LHFPL3: variants seen among roughly 807,000 people sequenced by gnomAD.
LHFPL3 encodes LHFPL tetraspan subfamily member 3.
A neutral mutation model predicts 19.3 loss-of-function variants in LHFPL3; 5 were observed. The ratio of observed to expected loss-of-function variants is 0.26; its 90% confidence interval spans 0.14 to 0.54. The LOEUF is 0.54. Among genes scored for constraint, LHFPL3 ranks in the 20% least tolerant of loss-of-function variants. The pLI, the probability that LHFPL3 is intolerant of heterozygous loss-of-function variation, is 0.94. For missense variants in LHFPL3, 249 were observed against 307.4 expected (o/e 0.81, Z 1.42); for synonymous variants, 133 against 126.2 (o/e 1.05, Z -0.36).
At chr7:104,799,853 A>ACCCC (rs1290629194) in intron 2 of LHFPL3, 2 of 153,132 alleles carry the variant, frequency 1.3e-5, no homozygotes, top group Non-Finnish European at 2.9e-5. Flanking sequence ...CCTTCCCATG[A>ACCCC]CTTCACCCGC....
intron 2 of LHFPL3, among the ~76,000 whole-genome samples, chr7:104,781,452 C>A (rs1482149167): frequency 6.6e-6 from 1 of 152,104 alleles, no homozygotes; most frequent in Non-Finnish European, 1.5e-5. Flanking sequence ...CACACTGGGA[C>A]ATCCCCTCTG....
chr7:104,605,254 A>G (rs1212836433), intron 1 of LHFPL3, among the ~76,000 whole-genome samples: 1 of 152,120 alleles, frequency 6.6e-6, no homozygotes, highest in Non-Finnish European at 1.5e-5. Context: ...CTATCCTTTA[A>G]CCTCTCTCCC....
intron 1 of LHFPL3, among the ~76,000 whole-genome samples, chr7:104,634,378 A>G (rs1221258293): frequency 6.6e-6 from 1 of 152,170 alleles, no homozygotes; most frequent in East Asian, 1.9e-4. Flanking sequence ...GTGGAAATAG[A>G]GTACAAGTGT....
chr7:104,806,056 C>T (rs558972517), intron 2 of LHFPL3, among the ~76,000 whole-genome samples: 1 of 152,294 alleles, frequency 6.6e-6, no homozygotes, highest in East Asian at 1.9e-4. Context: ...TGTTTTAGTG[C>T]GTACGACTGA....
chr7:104,392,071 TAAG>T (rs1262081456), intron 1 of LHFPL3, among the ~76,000 whole-genome samples: 1 of 152,214 alleles, frequency 6.6e-6, no homozygotes, highest in Non-Finnish European at 1.5e-5. Flanking sequence ...CTTATCAGCT[TAAG>T]GAGATTTTGG....
intron 1 of LHFPL3, among the ~76,000 whole-genome samples, chr7:104,378,346 C>A (rs1420737375): frequency 6.6e-6 from 1 of 152,166 alleles, no homozygotes; most frequent in Non-Finnish European, 1.5e-5. Context: ...TGGCAGAGCA[C>A]GCTTTTCAGA....
At chr7:104,338,254 A>C (rs945987239) in intron 1 of LHFPL3, among the ~76,000 whole-genome samples, 3 of 150,948 alleles carry the variant, frequency 2.0e-5, no homozygotes, top group Non-Finnish European at 1.5e-5. Context: ...GCCCGCCACC[A>C]CGCCCGATTA....
chr7:104,837,979 A>ATT (rs1353789339), intron 2 of LHFPL3, among the ~76,000 whole-genome samples: 1 of 152,226 alleles, frequency 6.6e-6, no homozygotes, highest in East Asian at 1.9e-4. Flanking sequence ...TTAACAAACA[A>ATT]TTATAACCTT....
chr7:104,729,745 T>G (rs1453259395), intron 1 of LHFPL3, among the ~76,000 whole-genome samples: 1 of 152,058 alleles, frequency 6.6e-6, no homozygotes, highest in Admixed American at 6.6e-5. Flanking sequence ...CATTTTCTTT[T>G]ATATATATTT....
At chr7:104,346,180 C>T (rs1425854647) in intron 1 of LHFPL3, among the ~76,000 whole-genome samples, 1 of 151,860 alleles carries the variant, frequency 6.6e-6, no homozygotes, top group Non-Finnish European at 1.5e-5. Context: ...AGGCTACAGG[C>T]ACGTGCTACC....
At chr7:104,828,899 A>G (rs910132462) in intron 2 of LHFPL3, among the ~76,000 whole-genome samples, 4 of 151,640 alleles carry the variant, frequency 2.6e-5, no homozygotes, top group African/African-American at 9.7e-5. Flanking sequence ...GCTGGGCATG[A>G]TGGTGCACGC....
At chr7:104,420,604 G>A (rs1194798735) in intron 1 of LHFPL3, among the ~76,000 whole-genome samples, 1 of 124,184 alleles carries the variant, frequency 8.1e-6, no homozygotes, top group East Asian at 2.3e-4. Flanking sequence ...CTTTCGCCCA[G>A]GCTGGAGTGC....
intron 1 of LHFPL3, among the ~76,000 whole-genome samples, chr7:104,480,541 A>T (rs1793114383): frequency 6.6e-6 from 1 of 152,216 alleles, no homozygotes; most frequent in Non-Finnish European, 1.5e-5. Context: ...GGGACATGTA[A>T]TTGTGCAGTC....
intron 1 of LHFPL3, among the ~76,000 whole-genome samples, chr7:104,691,831 T>C (rs960066633): frequency 6.6e-6 from 1 of 152,338 alleles, no homozygotes; most frequent in South Asian, 2.1e-4. Flanking sequence ...AGTTTGGAAC[T>C]TCTTAGAGAC....
intron 1 of LHFPL3, among the ~76,000 whole-genome samples, chr7:104,441,994 G>A (rs777885535): frequency 1.1e-4 from 16 of 151,814 alleles, no homozygotes; most frequent in Non-Finnish European, 2.2e-4. Context: ...TGGCTGCAAC[G>A]TTTTACATTT....
At chr7:104,508,377 C>T (rs1240649566) in intron 1 of LHFPL3, among the ~76,000 whole-genome samples, 1 of 146,936 alleles carries the variant, frequency 6.8e-6, no homozygotes, top group Non-Finnish European at 1.5e-5. Context: ...CCAAACACCG[C>T]ATATTCTCAC....
intron 2 of LHFPL3, among the ~76,000 whole-genome samples, chr7:104,874,209 A>G (rs931838535): frequency 6.6e-6 from 1 of 152,272 alleles, no homozygotes; most frequent in African/African-American, 2.4e-5. Flanking sequence ...TGGACAAATC[A>G]CAATTGATGC....
chr7:104,431,924 G>A (rs1311087734), intron 1 of LHFPL3, among the ~76,000 whole-genome samples: 6 of 152,258 alleles, frequency 3.9e-5, no homozygotes, highest in Admixed American at 3.9e-4. Context: ...GGGAGAGGAG[G>A]TAGAGGAATA....
intron 1 of LHFPL3, among the ~76,000 whole-genome samples, chr7:104,655,388 C>T (rs1792104079): frequency 1.3e-5 from 2 of 152,080 alleles, no homozygotes; most frequent in South Asian, 2.1e-4. Context: ...GGTGCATTGA[C>T]AATGTTATAT....
Sources: gnomAD v4.1 joint callset for allele counts (sites outside exome capture counted in the v4.1 genomes callset) on GRCh38, gnomAD v4.1.1 for gene constraint, MANE v1.5 for transcripts, NCBI Gene and HGNC (gene_info 2026-07-23, HGNC 2026-07-21) for gene names.